NSUN3: variants seen among roughly 807,000 people sequenced by gnomAD.
The protein encoded by NSUN3 is tRNA (cytosine(34)-C(5))-methyltransferase, mitochondrial.
Under a neutral mutation model 36.8 loss-of-function variants are expected in NSUN3, and 24 were observed. The ratio of observed to expected loss-of-function variants is 0.65; its 90% CI spans 0.47 to 0.92. The LOEUF (loss-of-function observed/expected upper bound fraction) is 0.92, where lower values mean the gene tolerates loss of function less well. NSUN3 is among the 40% of genes least tolerant of loss of function. NSUN3 has a pLI of 0.00. For missense variants in NSUN3, 381 were observed against 392.8 expected (o/e 0.97, Z 0.25); for synonymous variants, 146 against 145.2 (o/e 1.01, Z -0.04).
intron 2 of NSUN3, among the ~76,000 whole-genome samples, chr3:94,067,248 G>A (rs1281217097): frequency 6.6e-6 from 1 of 152,184 alleles, no homozygotes; most frequent in Non-Finnish European, 1.5e-5. Context: ...AGTTGACCTC[G>A]TTGATGATTC....
chr3:94,080,260 G>T (rs1297703925), intron 2 of NSUN3, among the ~76,000 whole-genome samples: 3 of 152,180 alleles, frequency 2.0e-5, no homozygotes, highest in Non-Finnish European at 4.4e-5. Context: ...GAACAGCAAA[G>T]ATTGTTGCGT....
chr3:94,083,962 A>G (rs1576086010), intron 2 of NSUN3, 145 bp from the exon 3 acceptor site: 2 of 625,294 alleles, frequency 3.2e-6, no homozygotes, highest in Admixed American at 5.9e-5. Context: ...GGCAAAAGGA[A>G]GAGTCAGGAA....
chr3:94,076,382 C>G (rs879650325), intron 2 of NSUN3: 3 of 808,142 alleles, frequency 3.7e-6, no homozygotes, highest in Non-Finnish European at 6.7e-6. Flanking sequence ...AACTGAGTGG[C>G]TTGGTTTGGA....
In NSUN3 at chr3:94,129,013, A is replaced by G. The variant is rs972056854; in HGVS notation, c.*2523A>G. ...AAATAAAAAATAACAGACGCTGATG[A>G]GGCTGTGGAGAAAAGGAACTGCTTA... On this transcript the variant is annotated 3_prime_UTR_variant, in exon 6 of 6. Transcript: ENST00000314622. Among the ~76,000 whole-genome samples, 17 of 152,206 alleles carry G rather than the reference A, an allele frequency of 1.1e-4. No homozygotes were observed. The highest frequency in any genetic ancestry group is 3.4e-4 in the African/African-American group (14 of 41,460).
Position 94,091,230 on chromosome 3 carries a change from T to C in NSUN3, c.467-2910T>C, listed in dbSNP as rs560882987. 3.3e-5 allele frequency among the ~76,000 whole-genome samples: 5 copies of C among 152,192 alleles called. No individual in the cohort carries two copies. In the South Asian group the frequency reaches 1.0e-3, roughly 32 times the overall value. On this transcript the variant is annotated intron_variant, in intron 3 of 5. Coordinates refer to ENST00000314622, the MANE Select transcript of NSUN3 (RefSeq NM_022072.5). ...GGAGAGCTTACTTTCAAAGGAACGA[T>C]GGACAGAGGGTTGACTCTTGAGAAC...
In NSUN3 at chr3:94,129,992, C is replaced by G. The variant is rs146780282; in HGVS notation, c.*3502C>G. Among the ~76,000 whole-genome samples, 772 of 152,096 alleles carry G rather than the reference C, an allele frequency of 5.1e-3. 7 individuals are homozygous for G. Among genetic ancestry groups the G allele is most frequent in the African/African-American group, 0.017 (703 of 41,484 alleles). On this transcript the variant is annotated 3_prime_UTR_variant, in exon 6 of 6. Transcript: ENST00000314622. ...GTTGATCTTGAACTCCTGACCTTGT[C>G]ATCCACCTGCCTCAGCCTCCCAAAG...
intron 5 of NSUN3, among the ~76,000 whole-genome samples, chr3:94,113,452 C>T (rs149500127): frequency 1.5e-4 from 23 of 151,816 alleles, no homozygotes; most frequent in African/African-American, 4.8e-4. Context: ...ACACACTTAA[C>T]GTCAGGTAAA....
intron 2 of NSUN3, among the ~76,000 whole-genome samples, chr3:94,082,362 T>G (rs1050068549): frequency 1.3e-5 from 2 of 152,154 alleles, no homozygotes; most frequent in Non-Finnish European, 2.9e-5. Context: ...GCTAGGTCCC[T>G]GCAGTCTGTT....
At chr3:94,068,785 T>TAC (rs10582127) in intron 2 of NSUN3, among the ~76,000 whole-genome samples, 263 of 145,934 alleles carry the variant, frequency 1.8e-3, no homozygotes, top group Middle Eastern at 3.6e-3. Context: ...GAAAAAAAAA[T>TAC]ACACACACAC....
At chr3:94,073,126 G>A (rs756804988) in intron 2 of NSUN3, among the ~76,000 whole-genome samples, 2 of 152,134 alleles carry the variant, frequency 1.3e-5, no homozygotes, top group Non-Finnish European at 2.9e-5. Context: ...CGCGAAGGAC[G>A]TGAACTCATC....
intron 5 of NSUN3, among the ~76,000 whole-genome samples, chr3:94,104,245 A>C (rs1413698179): frequency 6.6e-6 from 1 of 152,214 alleles, no homozygotes; most frequent in African/African-American, 2.4e-5. Context: ...GCCCATACCC[A>C]ATACTGGTAG....
chr3:94,072,513 C>T (rs770687772), intron 2 of NSUN3, among the ~76,000 whole-genome samples: 7 of 151,978 alleles, frequency 4.6e-5, no homozygotes, highest in Admixed American at 6.6e-5. Context: ...GGATGTGAAC[C>T]GGGTGGTAAG....
intron 5 of NSUN3, among the ~76,000 whole-genome samples, chr3:94,107,240 T>A (rs1341161111): frequency 6.6e-6 from 1 of 152,162 alleles, no homozygotes; most frequent in East Asian, 1.9e-4. Flanking sequence ...CTAATTAAAA[T>A]ATTTCTATTG....
intron 2 of NSUN3, among the ~76,000 whole-genome samples, chr3:94,071,136 C>T (rs2107236407): frequency 6.6e-6 from 1 of 152,194 alleles, no homozygotes; most frequent in South Asian, 2.1e-4. Flanking sequence ...GAAACAAAAG[C>T]TCATTTCATT....
At chr3:94,092,480 A>G (rs778723684) in intron 3 of NSUN3, among the ~76,000 whole-genome samples, 2 of 152,180 alleles carry the variant, frequency 1.3e-5, no homozygotes, top group Admixed American at 6.5e-5. Context: ...TTTAAGTTCC[A>G]TTAGTGAGTC....
In NSUN3 at chr3:94,084,247, C is replaced by A. The variant is rs1171223515; in HGVS notation, c.263C>A (p.Ser88Ter). ...GGATCTTTACCCAACTATCCTAAAT[C>A]AGTGAAGTGTTACCTTAGCAGAACT... ...SQGSLPNYPK[S>*]VKCYLSRTPG... The change falls in exon 3 of 6, where the codon TCA (serine) becomes TAA (stop). Residue 88 changes from serine (S) to a stop codon, truncating the protein, a stop_gained. Transcript: ENST00000314622. LOFTEE classifies it high-confidence loss of function. 6.2e-7 allele frequency: 1 copy of A among 1,613,990 alleles called. No individual in the cohort carries two copies. The highest frequency in any genetic ancestry group is 1.3e-5 in the African/African-American group (1 of 74,926).
intron 2 of NSUN3, among the ~76,000 whole-genome samples, chr3:94,083,464 G>A (rs535090202): frequency 6.6e-6 from 1 of 152,190 alleles, no homozygotes; most frequent in Non-Finnish European, 1.5e-5. Flanking sequence ...AAATGATGTG[G>A]TGGCCCGCAA....
rs1334142987 is a variant in NSUN3, at chr3:94,130,709, G to T, written c.*4219G>T. Among the ~76,000 whole-genome samples, 1 of 152,088 alleles carries T rather than the reference G, an allele frequency of 6.6e-6. No homozygotes were observed. The highest frequency in any genetic ancestry group is 1.5e-5 in the Non-Finnish European group (1 of 68,014). On this transcript the variant is annotated 3_prime_UTR_variant, in exon 6 of 6. Transcript: ENST00000314622. ...GGCTTCCACACTCTGGGTGTCAGGG[G>T]TACAGCTCACAGGCTTTCAGTTTGG...
At chr3:94,089,000 A>T (rs559798104) in intron 3 of NSUN3, among the ~76,000 whole-genome samples, 1 of 152,172 alleles carries the variant, frequency 6.6e-6, no homozygotes, top group Non-Finnish European at 1.5e-5. Flanking sequence ...GTCTGCAGCA[A>T]ATAGCACTGG....
Sources: gnomAD v4.1 joint callset for allele counts (sites outside exome capture counted in the v4.1 genomes callset) on GRCh38, gnomAD v4.1.1 for gene constraint, MANE v1.5 for transcripts, NCBI Gene and HGNC (gene_info 2026-07-23, HGNC 2026-07-21) for gene names.